PDE1C: variants seen among roughly 807,000 people sequenced by gnomAD.
PDE1C encodes the protein phosphodiesterase 1C.
A neutral mutation model predicts 93.1 loss-of-function variants in PDE1C; 62 were observed. The ratio of observed to expected loss-of-function variants is 0.67; its 90% CI spans 0.54 to 0.82. The LOEUF is 0.82. PDE1C is among the 40% of genes least tolerant of loss of function. PDE1C has a pLI of 0.00. For missense variants in PDE1C, 742 were observed against 884.6 expected (o/e 0.84, Z 2.04); for synonymous variants, 325 against 310.1 (o/e 1.05, Z -0.50).
intron 1 of PDE1C, among the ~76,000 whole-genome samples, chr7:32,317,314 C>T (rs1378209748): frequency 6.6e-6 from 1 of 152,212 alleles, no homozygotes; most frequent in Admixed American, 6.5e-5. Flanking sequence ...CCTACAGAAT[C>T]GCATTTAGGC....
intron 2 of PDE1C, among the ~76,000 whole-genome samples, chr7:32,005,578 A>AAAAAAAAAAAAAAAAAAAAAAAAAC (rs1204630246): frequency 3.9e-5 from 4 of 103,716 alleles, no homozygotes; most frequent in Non-Finnish European, 8.0e-5. Flanking sequence ...AAAAAAAAAA[A>AAAAAAAAAAAAAAAAAAAAAAAAAC]AAAGAATTGT....
intron 16 of PDE1C, chr7:31,784,851 T>C (rs1783755272): frequency 1.3e-5 from 2 of 152,246 alleles, no homozygotes; most frequent in Admixed American, 1.3e-4. Flanking sequence ...GAATCAGTTA[T>C]TGGACAATAC....
At chr7:32,163,990 GA>G (rs1228204061) in intron 3 of PDE1C, among the ~76,000 whole-genome samples, 2 of 152,156 alleles carry the variant, frequency 1.3e-5, no homozygotes, top group Non-Finnish European at 2.9e-5. Flanking sequence ...GTTTGCATGT[GA>G]AAAATGAGGA....
chr7:32,014,916 CA>C (rs1382169634), intron 2 of PDE1C, among the ~76,000 whole-genome samples: 2 of 152,048 alleles, frequency 1.3e-5, no homozygotes, highest in Non-Finnish European at 2.9e-5. Context: ...TTTATAATCC[CA>C]TTATCCCCAT....
At chr7:32,177,597 G>A (rs1269149780) in intron 2 of PDE1C, among the ~76,000 whole-genome samples, 2 of 152,056 alleles carry the variant, frequency 1.3e-5, no homozygotes, top group African/African-American at 4.8e-5. Flanking sequence ...CACTATCCAT[G>A]GGCCTTAATT....
intron 3 of PDE1C, among the ~76,000 whole-genome samples, chr7:32,126,257 A>G (rs1799578233): frequency 6.6e-6 from 1 of 152,176 alleles, no homozygotes; most frequent in African/African-American, 2.4e-5. Context: ...TCATTTAAAT[A>G]TCAATGCAAC....
At chr7:31,668,696 G>A in the PDE1C span, among the ~76,000 whole-genome samples, 2 of 152,150 alleles carry the variant, frequency 1.3e-5, no homozygotes, top group South Asian at 4.1e-4. Context: ...GAATGGGAGT[G>A]ACTGTGACTG....
chr7:32,404,844 A>C (rs973570871), intron 1 of PDE1C, among the ~76,000 whole-genome samples: 5 of 152,196 alleles, frequency 3.3e-5, no homozygotes, highest in African/African-American at 1.2e-4. Flanking sequence ...AGAAGCATGA[A>C]CTGGCGTTGC....
At chr7:31,760,040 A>T (rs538422545) in intron 17 of PDE1C, among the ~76,000 whole-genome samples, 1 of 152,282 alleles carries the variant, frequency 6.6e-6, no homozygotes, top group Admixed American at 6.5e-5. Context: ...GATTATTTAT[A>T]TTAGTCTACT....
the PDE1C span, among the ~76,000 whole-genome samples, chr7:31,693,059 G>C: frequency 6.6e-6 from 1 of 152,158 alleles, no homozygotes; most frequent in Non-Finnish European, 1.5e-5. Context: ...TTCTAAAAAT[G>C]AGACATTCAG....
the PDE1C span, among the ~76,000 whole-genome samples, chr7:31,672,672 G>A: frequency 6.6e-6 from 1 of 152,066 alleles, no homozygotes; most frequent in Admixed American, 6.6e-5. Context: ...ATGAAAAGAA[G>A]CTGAGACCAT....
the PDE1C span, among the ~76,000 whole-genome samples, chr7:31,628,648 G>A: frequency 6.6e-6 from 1 of 151,950 alleles, no homozygotes; most frequent in African/African-American, 2.4e-5. Context: ...AGTAGAGACA[G>A]GGTTTCACCG....
intron 2 of PDE1C, among the ~76,000 whole-genome samples, chr7:31,971,565 C>A (rs1341447569): frequency 6.6e-6 from 1 of 152,152 alleles, no homozygotes. Flanking sequence ...TACACTGATT[C>A]TTCAGTCTGC....
chr7:31,856,197 T>C (rs1793996720), intron 7 of PDE1C, among the ~76,000 whole-genome samples: 1 of 152,218 alleles, frequency 6.6e-6, no homozygotes, highest in South Asian at 2.1e-4. Context: ...TAAAGCGTTT[T>C]CTCCCTCTTG....
At chr7:32,316,722 G>A (rs7789565) in intron 1 of PDE1C, among the ~76,000 whole-genome samples, 6,573 of 152,302 alleles carry the variant, frequency 0.043, 200 homozygotes, top group African/African-American at 0.082. Context: ...CAGACAGTCT[G>A]TATTATCATG....
chr7:31,673,952 A>T, the PDE1C span, among the ~76,000 whole-genome samples: 1 of 152,204 alleles, frequency 6.6e-6, no homozygotes. Context: ...CGAAAAGAAA[A>T]TTCAGAAAAA....
At chr7:31,679,287 A>G in the PDE1C span, among the ~76,000 whole-genome samples, 3 of 152,164 alleles carry the variant, frequency 2.0e-5, no homozygotes, top group Non-Finnish European at 2.9e-5. Context: ...AAGGCAAGAG[A>G]GTTTCCCACT....
chr7:31,996,823 G>A (rs1784785034), intron 2 of PDE1C, among the ~76,000 whole-genome samples: 1 of 152,116 alleles, frequency 6.6e-6, no homozygotes, highest in Non-Finnish European at 1.5e-5. Context: ...TCAAGAAGTA[G>A]TTTAAAAAAG....
chr7:32,220,134 T>C (rs1183771440), intron 1 of PDE1C, among the ~76,000 whole-genome samples: 1 of 152,022 alleles, frequency 6.6e-6, no homozygotes, highest in Admixed American at 6.6e-5. Context: ...TACCCAGTCT[T>C]GGGTATGTCT....
Sources: allele counts gnomAD v4.1 joint callset (sites outside exome capture counted in the v4.1 genomes callset), GRCh38; gene constraint gnomAD v4.1.1; transcripts MANE v1.5; gene names NCBI Gene and HGNC (gene_info 2026-07-23, HGNC 2026-07-21).